PCDHGA1: variants seen among roughly 807,000 people sequenced by gnomAD.
The protein encoded by PCDHGA1 is protocadherin gamma subfamily A, 1.
PCDHGA1 carries 32 observed loss-of-function variants against 58.0 expected under a neutral mutation model. The ratio of observed to expected loss-of-function variants is 0.55; its 90% confidence interval spans 0.42 to 0.74. The LOEUF is 0.74. Ranked by LOEUF, PCDHGA1 falls within the 30% of genes least tolerant of loss-of-function variation. PCDHGA1 has a pLI of 0.00. For missense variants in PCDHGA1, 1,205 were observed against 1,182.3 expected (o/e 1.02, Z -0.28); for synonymous variants, 498 against 501.1 (o/e 0.99, Z 0.08).
chr5:141,494,775 A>G (rs1202233200), intron 1 of PCDHGA1, 32 bp from the exon 2 acceptor site: 1 of 1,613,580 alleles, frequency 6.2e-7, no homozygotes. Flanking sequence ...TCTCACGGGT[A>G]CTCAGCCCCT....
rs747235974 is a variant in PCDHGA1 at position 141,355,555 on chromosome 5, G to A, written c.2421+22450G>A. ...AGAAGATACAGTGAAGATTTTGCGG[G>A]TAGAGGTGGAAATAATCGATGTTAA... On this transcript the variant is annotated intron_variant, in intron 1 of 3. Transcript: ENST00000517417. 6.2e-6 allele frequency: 10 copies of A among 1,613,946 alleles called. No homozygotes were observed. The African/African-American group carries it at 1.1e-4, about 17-fold the overall frequency.
rs529787438 is a variant in PCDHGA1 at position 141,470,330 on chromosome 5, G to A, written c.2422-24477G>A. Among the ~76,000 whole-genome samples the A allele has an allele frequency of 3.3e-4, 50 of 152,144 alleles. 1 individual carries two copies. The highest frequency in any genetic ancestry group is 1.1e-3 in the African/African-American group (47 of 41,498). ...TTTTCCTCAAATGATCCCATAATTT[G>A]ACCTTAGGAAGCTGTTCAAATAGAC... On this transcript the variant is annotated intron_variant, in intron 1 of 3. Coordinates refer to ENST00000517417, the MANE Select transcript of PCDHGA1 (RefSeq NM_018912.3).
intron 1 of PCDHGA1, chr5:141,378,871 A>G (rs1775219585): frequency 1.3e-5 from 2 of 152,236 alleles, no homozygotes; most frequent in East Asian, 3.9e-4. Flanking sequence ...TCGAATAGAA[A>G]ATGGATCACT....
At chr5:141,503,802 G>A (rs2099831646) in intron 2 of PCDHGA1, among the ~76,000 whole-genome samples, 1 of 151,998 alleles carries the variant, frequency 6.6e-6, no homozygotes, top group South Asian at 2.1e-4. Context: ...CTTAGGGACG[G>A]GGAATCCCAG....
chr5:141,404,725 G>T, intron 1 of PCDHGA1: 1 of 1,614,098 alleles, frequency 6.2e-7, no homozygotes. Flanking sequence ...TGACCAAGGT[G>T]GTGGCAGTGG....
intron 1 of PCDHGA1, among the ~76,000 whole-genome samples, chr5:141,353,197 A>G (rs1353088425): frequency 2.0e-5 from 3 of 152,150 alleles, no homozygotes; most frequent in Non-Finnish European, 4.4e-5. Flanking sequence ...AAATCTTGCT[A>G]AAGAGACCTG....
chr5:141,383,023 G>A (rs1778720923), intron 1 of PCDHGA1: 2 of 1,613,826 alleles, frequency 1.2e-6, no homozygotes, highest in South Asian at 1.1e-5. Context: ...GACGGACAAA[G>A]GGTCCTTTGT....
At chr5:141,341,424 T>C (rs780525673) in intron 1 of PCDHGA1, 11 of 1,612,294 alleles carry the variant, frequency 6.8e-6, no homozygotes, top group African/African-American at 1.3e-5. Context: ...ACATACGTAC[T>C]AGCTAGTTTG....
Position 141,330,514 on chromosome 5 carries a change from G to T in PCDHGA1, c.-171G>T. The T allele has an allele frequency of 1.7e-6, 1 of 605,838 alleles. No homozygotes were observed. Among genetic ancestry groups the T allele is most frequent in the Non-Finnish European group, 2.7e-6 (1 of 366,884 alleles). 37.5% of individuals were successfully genotyped at this position (605,838 alleles called of 1,614,324 possible). A position where few individuals can be genotyped will look rare whatever the true frequency, so the allele number is the denominator to read the frequency against. On this transcript the variant is annotated 5_prime_UTR_variant, in exon 1 of 4. Coordinates refer to ENST00000517417, the MANE Select transcript of PCDHGA1 (RefSeq NM_018912.3). ...AAGAAAAAAGCTCTCGTGCCTCTTAGAACCTCCATAACCGCCAGATTGAAA... is the reference window on the plus strand; with the variant it reads ...AAGAAAAAAGCTCTCGTGCCTCTTATAACCTCCATAACCGCCAGATTGAAA...
chr5:141,412,827 A>G (rs977931124), intron 1 of PCDHGA1, among the ~76,000 whole-genome samples: 2 of 152,236 alleles, frequency 1.3e-5, no homozygotes, highest in Non-Finnish European at 2.9e-5. Context: ...ATAGTAAATT[A>G]TTTAAAGATA....
rs772443613 is a variant in PCDHGA1, at chr5:141,331,518, GTACTCCTT to G, written c.836_843del (p.Tyr279SerfsTer23). 1.9e-6 allele frequency: 3 copies of G among 1,614,094 alleles called. No homozygotes were observed. In the South Asian group the frequency reaches 3.3e-5, roughly 18 times the overall value. On this transcript the variant is annotated frameshift_variant, in exon 1 of 4. Coordinates refer to ENST00000517417, the MANE Select transcript of PCDHGA1 (RefSeq NM_018912.3). LOFTEE classifies it high-confidence loss of function. Reference sequence around the variant, plus strand: ...ATGAGGGAGCCAATGGGGAAGTAACGTACTCCTTTCACAATGTAGACCACAGAGTGGCC... The same window carrying G: ...ATGAGGGAGCCAATGGGGAAGTAACGTCACAATGTAGACCACAGAGTGGCC...
At chr5:141,499,168 C>T (rs1169979036) in intron 2 of PCDHGA1, among the ~76,000 whole-genome samples, 3 of 152,184 alleles carry the variant, frequency 2.0e-5, no homozygotes, top group African/African-American at 7.2e-5. Context: ...GTCTCAAGCT[C>T]TGAGCCCAGC....
In PCDHGA1 at chr5:141,393,089, G is replaced by A. The variant is rs1168367249; in HGVS notation, c.2421+59984G>A. 4 of 1,613,660 alleles carry A rather than the reference G, an allele frequency of 2.5e-6. No homozygotes were observed. In the East Asian group the frequency reaches 6.7e-5, roughly 27 times the overall value. ...TGATCACCGCGGGCAGGATAGATCGGGAGGAGCTCTGCGCTCAGAGCCCGC... is the reference window on the plus strand; with the variant it reads ...TGATCACCGCGGGCAGGATAGATCGAGAGGAGCTCTGCGCTCAGAGCCCGC... On this transcript the variant is annotated intron_variant, in intron 1 of 3. Transcript: ENST00000517417.
At chr5:141,394,097 A>C in intron 1 of PCDHGA1, 1 of 1,613,932 alleles carries the variant, frequency 6.2e-7, no homozygotes, top group South Asian at 1.1e-5. Context: ...CAGATCTAGG[A>C]ACACCACCTC....
In PCDHGA1 at chr5:141,383,047, A is replaced by T. The variant is rs373552606; in HGVS notation, c.2421+49942A>T. ...AGGGTCCTTTGTGGGAGACATCGCCAAGGACCTGGGGCTGGAGCCCCGGGA... is the reference window on the plus strand; with the variant it reads ...AGGGTCCTTTGTGGGAGACATCGCCTAGGACCTGGGGCTGGAGCCCCGGGA... On this transcript the variant is annotated intron_variant, in intron 1 of 3. Coordinates refer to ENST00000517417, the MANE Select transcript of PCDHGA1 (RefSeq NM_018912.3). The T allele has an allele frequency of 1.6e-5, 26 of 1,613,752 alleles. No individual in the cohort carries two copies. The African/African-American group carries it at 2.9e-4, about 18-fold the overall frequency.
At chr5:141,497,776 C>A (rs1384125562) in intron 2 of PCDHGA1, among the ~76,000 whole-genome samples, 2 of 152,170 alleles carry the variant, frequency 1.3e-5, no homozygotes. Flanking sequence ...CCGACCTCAA[C>A]TGATCCACCT....
intron 1 of PCDHGA1, chr5:141,339,736 G>T (rs781028162): frequency 1.2e-6 from 2 of 1,613,958 alleles, no homozygotes; most frequent in Non-Finnish European, 1.7e-6. Context: ...CGGAGAATAC[G>T]CTCGTGGGCA....
chr5:141,501,290 T>TACACACAC (rs55762287), intron 2 of PCDHGA1, among the ~76,000 whole-genome samples: 94 of 136,244 alleles, frequency 6.9e-4, no homozygotes, highest in Admixed American at 2.2e-3. Context: ...TATTCCCTTA[T>TACACACAC]ACACACACAC....
Position 141,408,177 on chromosome 5 carries a change from G to A in PCDHGA1, c.2421+75072G>A, listed in dbSNP as rs1359754385. 7.2e-6 allele frequency: 11 copies of A among 1,534,346 alleles called. 1 individual carries two copies. In the South Asian group the frequency reaches 1.3e-4, roughly 19 times the overall value. ...GCACTTTCTCCAACTGGAAAAGCGGGGACCCAGCGAGAACCCGAGCGAACG... is the reference window on the plus strand; with the variant it reads ...GCACTTTCTCCAACTGGAAAAGCGGAGACCCAGCGAGAACCCGAGCGAACG... On this transcript the variant is annotated intron_variant, in intron 1 of 3. Transcript: ENST00000517417.
Sources: allele counts gnomAD v4.1 joint callset (sites outside exome capture counted in the v4.1 genomes callset), GRCh38; gene constraint gnomAD v4.1.1; transcripts MANE v1.5; gene names NCBI Gene and HGNC (gene_info 2026-07-23, HGNC 2026-07-21).